DIAPH2: variants seen among roughly 807,000 people sequenced by gnomAD.
DIAPH2 encodes protein diaphanous homolog 2.
A neutral mutation model predicts 92.7 loss-of-function variants in DIAPH2; 35 were observed. The observed-to-expected ratio is 0.38, with a 90% CI of 0.29 to 0.50. The LOEUF is 0.50. DIAPH2 is among the 20% of genes least tolerant of loss of function. The pLI, the probability that DIAPH2 is intolerant of heterozygous loss-of-function variation, is 0.94. For synonymous variants in DIAPH2, 301 were observed against 280.4 expected (o/e 1.07, Z -0.73); for missense variants, 701 against 819.5 (o/e 0.86, Z 1.77).
intron 4 of DIAPH2, among the ~76,000 whole-genome samples, chrX:96,835,646 T>C (rs1317541699): frequency 2.7e-5 from 3 of 112,214 alleles, no homozygotes; most frequent in Non-Finnish European, 5.6e-5. Flanking sequence ...TTAGATTTTA[T>C]GTTTAAAGGA....
At chrX:97,528,423 C>T (rs987478682) in intron 26 of DIAPH2, 8 of 112,285 alleles carry the variant, frequency 7.1e-5, no homozygotes, top group Non-Finnish European at 1.5e-4. Flanking sequence ...ACAGGAAGCA[C>T]AGTGCCAGCG....
intron 22 of DIAPH2, among the ~76,000 whole-genome samples, chrX:97,177,258 A>G (rs1483530455): frequency 1.8e-5 from 2 of 111,353 alleles, no homozygotes; most frequent in East Asian, 5.7e-4. Flanking sequence ...TAAGCTTGAG[A>G]TGTTATCTTT....
chrX:96,716,918 G>A (rs1430837249), intron 1 of DIAPH2, among the ~76,000 whole-genome samples: 1 of 111,536 alleles, frequency 9.0e-6, no homozygotes, highest in Admixed American at 9.5e-5. Context: ...TGACAGCGAA[G>A]GTCATTGATT....
chrX:96,967,669 G>A (rs1007039599), intron 17 of DIAPH2, among the ~76,000 whole-genome samples: 3 of 110,257 alleles, frequency 2.7e-5, no homozygotes, highest in Non-Finnish European at 5.7e-5. Context: ...CACCCGCCTC[G>A]ACCTCCCAAA....
At chrX:97,251,494 G>A (rs1003455181) in intron 23 of DIAPH2, among the ~76,000 whole-genome samples, 28 of 108,606 alleles carry the variant, frequency 2.6e-4, no homozygotes, top group African/African-American at 8.8e-4. Context: ...GTGCAGTGGC[G>A]CGATCCCGGC....
intron 26 of DIAPH2, among the ~76,000 whole-genome samples, chrX:97,497,080 G>A (rs1191389928): frequency 9.0e-6 from 1 of 110,681 alleles, no homozygotes; most frequent in Non-Finnish European, 1.9e-5. Context: ...ATTCAGATAA[G>A]TGGAAATATT....
At chrX:97,576,422 T>A (rs1247127969) in intron 26 of DIAPH2, among the ~76,000 whole-genome samples, 3 of 111,654 alleles carry the variant, frequency 2.7e-5, no homozygotes, top group Non-Finnish European at 5.6e-5. Context: ...AGGAAAAGGA[T>A]AGTAGCATAG....
chrX:97,178,441 C>CTT (rs1569321100), intron 22 of DIAPH2, among the ~76,000 whole-genome samples: 61 of 88,960 alleles, frequency 6.9e-4, no homozygotes, highest in African/African-American at 2.8e-3. Context: ...GCCTATATTT[C>CTT]TCTTTTTTTT....
At chrX:97,103,820 C>A in intron 20 of DIAPH2, among the ~76,000 whole-genome samples, 1 of 111,845 alleles carries the variant, frequency 8.9e-6, no homozygotes, top group African/African-American at 3.2e-5. Context: ...TGGCACCTGC[C>A]CACCTCTCCT....
At chrX:97,315,608 G>A (rs2068833702) in intron 23 of DIAPH2, among the ~76,000 whole-genome samples, 1 of 110,088 alleles carries the variant, frequency 9.1e-6, no homozygotes, top group South Asian at 3.9e-4. Context: ...TGAAAAGAAA[G>A]TGTTCTTTTT....
At chrX:96,773,665 C>T (rs1428705164) in intron 4 of DIAPH2, among the ~76,000 whole-genome samples, 2 of 110,838 alleles carry the variant, frequency 1.8e-5, no homozygotes, top group Admixed American at 9.6e-5. Flanking sequence ...GCCTGGGCAG[C>T]GTGGCAAAAC....
intron 26 of DIAPH2, among the ~76,000 whole-genome samples, chrX:97,562,983 A>G (rs1281992554): frequency 8.9e-6 from 1 of 112,400 alleles, no homozygotes; most frequent in Non-Finnish European, 1.9e-5. Flanking sequence ...GAATTTCACA[A>G]TCTTTGTTAT....
chrX:97,152,497 A>G (rs930016565), intron 22 of DIAPH2, among the ~76,000 whole-genome samples: 1 of 104,465 alleles, frequency 9.6e-6, no homozygotes, highest in Non-Finnish European at 2.0e-5. Flanking sequence ...TCTAAAGAAA[A>G]AAATTTATTT....
chrX:97,597,458 G>A (rs970773279), intron 26 of DIAPH2, among the ~76,000 whole-genome samples: 10 of 111,529 alleles, frequency 9.0e-5, no homozygotes, highest in Admixed American at 2.9e-4. Flanking sequence ...GGACCCAGTG[G>A]GTAGTGAGTG....
intron 22 of DIAPH2, among the ~76,000 whole-genome samples, chrX:97,233,463 G>C (rs1380309427): frequency 8.9e-6 from 1 of 112,276 alleles, no homozygotes; most frequent in Non-Finnish European, 1.9e-5. Context: ...GTGTGTGTTT[G>C]TGTGTCTGTT....
chrX:96,821,286 T>C (rs1038434751), intron 4 of DIAPH2, among the ~76,000 whole-genome samples: 6 of 112,573 alleles, frequency 5.3e-5, no homozygotes. Flanking sequence ...AATGTTCCAT[T>C]CTTTCATTTC....
intron 25 of DIAPH2, among the ~76,000 whole-genome samples, chrX:97,419,771 T>C (rs1459254995): frequency 8.9e-6 from 1 of 112,367 alleles, no homozygotes; most frequent in Non-Finnish European, 1.9e-5. Context: ...ATATTATTAA[T>C]ATTCCTACCT....
intron 1 of DIAPH2, 58 bp from the exon 2 acceptor site, chrX:96,735,700 C>A: frequency 1.6e-6 from 1 of 616,937 alleles, no homozygotes; most frequent in Non-Finnish European, 2.6e-6. Context: ...ATTGTTTGAT[C>A]TATGAGTTTC....
chrX:97,504,711 G>C (rs1418437954), intron 26 of DIAPH2, among the ~76,000 whole-genome samples: 2 of 112,213 alleles, frequency 1.8e-5, no homozygotes, highest in Non-Finnish European at 3.8e-5. Flanking sequence ...CTATTACTTG[G>C]TCAGTTTCTG....
Sources: gnomAD v4.1 joint callset for allele counts (sites outside exome capture counted in the v4.1 genomes callset) on GRCh38, gnomAD v4.1.1 for gene constraint, MANE v1.5 for transcripts, NCBI Gene and HGNC (gene_info 2026-07-23, HGNC 2026-07-21) for gene names.